Variants in HEPHL1 observed in about 807,000 individuals in gnomAD.
HEPHL1 encodes the protein ferroxidase HEPHL1.
In HEPHL1, 123 loss-of-function variants were observed where a neutral mutation model predicts 122.0. That is an observed-to-expected ratio of 1.01 (90% CI 0.87 to 1.17). The LOEUF (loss-of-function observed/expected upper bound fraction) is 1.17. HEPHL1 is among the 50% of genes most tolerant of loss of function. The pLI is 0.00. For missense variants in HEPHL1, 1,452 were observed against 1,430.5 expected, an observed-to-expected ratio of 1.01 and a Z score of -0.24; for synonymous variants, 527 against 508.9, an observed-to-expected ratio of 1.04 and a Z score of -0.48.
chr11:94,094,159 C>G (rs1193254977), intron 13 of HEPHL1, among the ~76,000 whole-genome samples: 1 of 151,412 alleles, frequency 6.6e-6, no homozygotes, highest in Admixed American at 6.6e-5. Context: ...TGCCCCTACC[C>G]CACGACAGGC....
chr11:94,089,831 T>C (rs1202735040), intron 12 of HEPHL1, among the ~76,000 whole-genome samples: 1 of 152,104 alleles, frequency 6.6e-6, no homozygotes, highest in Non-Finnish European at 1.5e-5. Flanking sequence ...GAACTGAACA[T>C]AGATCTTTTG....
intron 2 of HEPHL1, among the ~76,000 whole-genome samples, chr11:94,057,718 T>G (rs1945950017): frequency 6.6e-6 from 1 of 152,180 alleles, no homozygotes; most frequent in Admixed American, 6.5e-5. Context: ...TGAACATATT[T>G]ATTATAGCTG....
chr11:94,111,864 G>A lies in HEPHL1; in HGVS notation c.3450G>A (p.Gln1150=). 1 of 1,526,198 alleles carries A rather than the reference G, an allele frequency of 6.6e-7. No homozygotes were observed. Among genetic ancestry groups the A allele is most frequent in the African/African-American group, 1.4e-5 (1 of 72,050 alleles). The allele number at this position is 1,526,198 out of a possible 1,614,324, so 94.5% of individuals were successfully genotyped here. ...AGCAGACAGATTACCAGCAAGTCCA[G>A]TCCTGTGCTCTCCCCACGGATGCTC... The part of the protein sequence containing the change: ...AMKQTDYQQV[Q]SCALPTDAL Residue 1150 remains glutamine (Q), a synonymous_variant, in exon 20 of 20, where the codon CAG becomes CAA. Coordinates refer to ENST00000315765, the MANE Select transcript of HEPHL1 (RefSeq NM_001098672.2).
intron 1 of HEPHL1, among the ~76,000 whole-genome samples, chr11:94,045,300 A>G (rs944074581): frequency 1.3e-5 from 2 of 152,238 alleles, no homozygotes; most frequent in African/African-American, 4.8e-5. Flanking sequence ...TTATTTGATT[A>G]CAAACTTTTG....
chr11:94,080,847 T>G (rs1465121373), intron 9 of HEPHL1, among the ~76,000 whole-genome samples: 1 of 152,202 alleles, frequency 6.6e-6, no homozygotes, highest in South Asian at 2.1e-4. Context: ...TTGGTGGGAA[T>G]GTAAATTAGT....
chr11:94,024,154 G>A (rs1165939881), intron 1 of HEPHL1, among the ~76,000 whole-genome samples: 2 of 152,188 alleles, frequency 1.3e-5, no homozygotes, highest in Non-Finnish European at 2.9e-5. Flanking sequence ...TTGGGCAAAT[G>A]TCTGATATTT....
At position 94,073,168 on chromosome 11, in the gene HEPHL1, C is replaced by T; in HGVS notation, c.1372+4C>T. 1.2e-6 allele frequency: 2 copies of T among 1,612,868 alleles called. No individual in the cohort carries two copies. The highest frequency in any genetic ancestry group is 1.7e-6 in the Non-Finnish European group (2 of 1,179,316). The stretch of plus-strand genomic sequence containing the variant: ...GAAGCCCATCTTGGAATTCTTGGTA[C>T]AGTAAAACCATCCCCCATGCATTGA... On this transcript the variant is annotated splice_donor_region_variant and intron_variant, in intron 7 of 19. Coordinates refer to ENST00000315765, the MANE Select transcript of HEPHL1 (RefSeq NM_001098672.2).
chr11:94,021,674 T>C (rs1945583670), intron 1 of HEPHL1, 136 bp downstream of exon 1: 1 of 682,472 alleles, frequency 1.5e-6, no homozygotes, highest in African/African-American at 1.8e-5. Flanking sequence ...TGTTTTTTGC[T>C]TGAAGAGCCC....
chr11:94,098,221 A>T (rs566549827), intron 13 of HEPHL1, among the ~76,000 whole-genome samples: 3 of 152,130 alleles, frequency 2.0e-5, no homozygotes, highest in Non-Finnish European at 2.9e-5. Flanking sequence ...GTGGTGACAA[A>T]ATCTCTCAGC....
At chr11:94,069,252 G>T (rs1205234504) in intron 5 of HEPHL1, among the ~76,000 whole-genome samples, 1 of 152,088 alleles carries the variant, frequency 6.6e-6, no homozygotes, top group African/African-American at 2.4e-5. Context: ...TCAGAAAAAA[G>T]TTATTGTAAA....
At chr11:94,053,884 T>G (rs563614192) in intron 2 of HEPHL1, among the ~76,000 whole-genome samples, 1 of 152,366 alleles carries the variant, frequency 6.6e-6, no homozygotes, top group African/African-American at 2.4e-5. Context: ...TGCTCCATTC[T>G]GGAGAATCAT....
chr11:94,057,744 C>T (rs1433129728), intron 2 of HEPHL1, among the ~76,000 whole-genome samples: 1 of 152,104 alleles, frequency 6.6e-6, no homozygotes, highest in Non-Finnish European at 1.5e-5. Context: ...AAGTCTTTCT[C>T]TGCTAAATTC....
chr11:94,033,710 A>G (rs569078969), intron 1 of HEPHL1, among the ~76,000 whole-genome samples: 5 of 152,272 alleles, frequency 3.3e-5, no homozygotes, highest in Admixed American at 1.3e-4. Flanking sequence ...GCTTGCCAAT[A>G]TGGGGACAAA....
At chr11:94,070,240 A>G in intron 5 of HEPHL1, 134 bp from the exon 6 acceptor site, 1 of 763,138 alleles carries the variant, frequency 1.3e-6, no homozygotes, top group Non-Finnish European at 1.9e-6. Context: ...ATCCTTTTTA[A>G]AAAAACTTTC....
At chr11:94,060,140 A>G (rs1056315028) in intron 2 of HEPHL1, among the ~76,000 whole-genome samples, 3 of 46,952 alleles carry the variant, frequency 6.4e-5, no homozygotes, top group Non-Finnish European at 1.5e-4. Flanking sequence ...ATATATATAT[A>G]TATATATATA....
intron 1 of HEPHL1, among the ~76,000 whole-genome samples, chr11:94,043,584 C>G (rs1465872630): frequency 6.6e-6 from 1 of 152,092 alleles, no homozygotes; most frequent in African/African-American, 2.4e-5. Context: ...ATCCGAAGCA[C>G]AGAGAATGAG....
chr11:94,073,319 A>C lies in HEPHL1; in HGVS notation c.1384A>C (p.Lys462Gln). 6.2e-7 allele frequency: 1 copy of C among 1,609,948 alleles called. No individual in the cohort carries two copies. The highest frequency in any genetic ancestry group is 1.3e-5 in the African/African-American group (1 of 74,966). The change falls in exon 8 of 20, where the codon AAG (lysine) becomes CAG (glutamine). Residue 462 changes from lysine (K) to glutamine (Q), a missense_variant. Lys to Gln is a moderately conservative substitution (Grantham distance 53). Coordinates refer to ENST00000315765, the MANE Select transcript of HEPHL1 (RefSeq NM_001098672.2). ...AHLGILGPVI[K>Q]AEVGDTLLVT... Reference sequence around the variant, plus strand: ...GGATATTTTTTCAGGCCCAGTCATCAAGGCAGAGGTGGGTGATACCCTGTT... The same window carrying C: ...GGATATTTTTTCAGGCCCAGTCATCCAGGCAGAGGTGGGTGATACCCTGTT...
chr11:94,080,064 A>T (rs886753290), intron 9 of HEPHL1, among the ~76,000 whole-genome samples: 3 of 152,234 alleles, frequency 2.0e-5, no homozygotes, highest in Non-Finnish European at 2.9e-5. Flanking sequence ...GGCTACAGTA[A>T]CCAAAACAGC....
intron 1 of HEPHL1, among the ~76,000 whole-genome samples, chr11:94,021,989 A>G (rs1343675869): frequency 3.9e-5 from 6 of 152,300 alleles, no homozygotes; most frequent in African/African-American, 1.4e-4. Flanking sequence ...CATGTTTTTC[A>G]ACGTTTAAAA....
Sources: allele counts gnomAD v4.1 joint callset (sites outside exome capture counted in the v4.1 genomes callset), GRCh38; gene constraint gnomAD v4.1.1; transcripts MANE v1.5; gene names NCBI Gene and HGNC (gene_info 2026-07-23, HGNC 2026-07-21).